The following NCAM2 variants were observed in gnomAD, a reference collection of about 807,000 sequenced individuals.
NCAM2 encodes N-CAM-2.
A neutral mutation model predicts 98.1 loss-of-function variants in NCAM2; 30 were observed. The ratio of observed to expected loss-of-function variants is 0.31; its 90% CI spans 0.23 to 0.41. The LOEUF (loss-of-function observed/expected upper bound fraction) is 0.41, where lower values mean the gene tolerates loss of function less well. Among genes scored for constraint, NCAM2 ranks in the 10% least tolerant of loss-of-function variants. NCAM2 has a pLI of 1.00. For missense variants in NCAM2, 867 were observed against 1,005.8 expected, an observed-to-expected ratio of 0.86 and a Z score of 1.87; for synonymous variants, 368 against 342.4, an observed-to-expected ratio of 1.07 and a Z score of -0.83.
chr21:21,221,967 C>T (rs1295322882), intron 1 of NCAM2, among the ~76,000 whole-genome samples: 2 of 152,228 alleles, frequency 1.3e-5, no homozygotes, highest in Non-Finnish European at 2.9e-5. Context: ...GCTAATGCAG[C>T]TGATGACTAA....
chr21:21,046,302 A>G (rs1045922184), intron 1 of NCAM2, among the ~76,000 whole-genome samples: 1 of 152,126 alleles, frequency 6.6e-6, no homozygotes, highest in Non-Finnish European at 1.5e-5. Flanking sequence ...ATGGCAGGGG[A>G]TTAGCATTTG....
chr21:21,230,742 G>A (rs1464922417), intron 1 of NCAM2, among the ~76,000 whole-genome samples: 2 of 151,228 alleles, frequency 1.3e-5, no homozygotes, highest in African/African-American at 4.8e-5. Context: ...ACCAGAAAAT[G>A]GGAAAACCAC....
At chr21:21,468,537 G>C in intron 13 of NCAM2, 125 bp from the exon 14 acceptor site, 4 of 884,774 alleles carry the variant, frequency 4.5e-6, no homozygotes, top group Non-Finnish European at 4.7e-6. Context: ...AAAGGGCAAT[G>C]TCAAATGGTA....
intron 12 of NCAM2, among the ~76,000 whole-genome samples, chr21:21,448,825 T>C (rs1256924673): frequency 6.6e-6 from 1 of 152,098 alleles, no homozygotes; most frequent in African/African-American, 2.4e-5. Context: ...ATATTTTCAG[T>C]GAAAGAAAAT....
chr21:21,360,598 G>A (rs750586180), intron 8 of NCAM2, among the ~76,000 whole-genome samples: 3 of 151,740 alleles, frequency 2.0e-5, no homozygotes, highest in South Asian at 4.1e-4. Context: ...GGTTCATAGC[G>A]CTTACCTTGT....
chr21:21,231,044 G>A (rs977663898), intron 1 of NCAM2, among the ~76,000 whole-genome samples: 1 of 151,222 alleles, frequency 6.6e-6, no homozygotes, highest in Non-Finnish European at 1.5e-5. Flanking sequence ...TTAAAAATTT[G>A]CAAAATTAAC....
chr21:21,418,284 C>T (rs187392371), intron 10 of NCAM2, among the ~76,000 whole-genome samples, 189 bp from the exon 11 acceptor site: 1 of 151,914 alleles, frequency 6.6e-6, no homozygotes, highest in Admixed American at 6.6e-5. Flanking sequence ...ATATTACGGG[C>T]TCATGGATAC....
At chr21:21,020,372 A>G (rs2064407254) in intron 1 of NCAM2, among the ~76,000 whole-genome samples, 1 of 151,392 alleles carries the variant, frequency 6.6e-6, no homozygotes, top group African/African-American at 2.4e-5. Context: ...GCTGTCCTCC[A>G]CTCTCAAGGA....
intron 8 of NCAM2, among the ~76,000 whole-genome samples, chr21:21,371,095 G>A (rs232512): frequency 0.36 from 54,255 of 151,366 alleles, 9,931 homozygotes; most frequent in East Asian, 0.58. Flanking sequence ...TGAAATAAGA[G>A]GAAGATTAGA....
chr21:21,050,315 C>T (rs925031681), intron 1 of NCAM2, among the ~76,000 whole-genome samples: 2 of 152,010 alleles, frequency 1.3e-5, no homozygotes, highest in Non-Finnish European at 2.9e-5. Flanking sequence ...ATGCCAAAAC[C>T]TGATTTTAGT....
At chr21:21,111,243 T>C (rs8131385) in intron 1 of NCAM2, among the ~76,000 whole-genome samples, 7,258 of 152,292 alleles carry the variant, frequency 0.048, 231 homozygotes, top group East Asian at 0.17. Flanking sequence ...TTGATTATTC[T>C]ATTTTATTTT....
intron 1 of NCAM2, among the ~76,000 whole-genome samples, chr21:21,056,552 A>T (rs1331968749): frequency 6.7e-6 from 1 of 149,634 alleles, no homozygotes; most frequent in East Asian, 2.0e-4. Flanking sequence ...GAGAGGAGAG[A>T]GAGAGAGAGT....
At chr21:21,494,258 TATA>T (rs1481770343) in intron 15 of NCAM2, among the ~76,000 whole-genome samples, 1 of 151,868 alleles carries the variant, frequency 6.6e-6, no homozygotes, top group Non-Finnish European at 1.5e-5. Context: ...TGAACTGAAG[TATA>T]ATCATATAGA....
intron 10 of NCAM2, among the ~76,000 whole-genome samples, chr21:21,418,105 AC>A (rs2077030286): frequency 7.3e-6 from 1 of 137,426 alleles, no homozygotes; most frequent in Admixed American, 7.0e-5. Flanking sequence ...ATATATATAT[AC>A]ATGTATACAT....
chr21:21,005,821 C>A, intron 1 of NCAM2, among the ~76,000 whole-genome samples: 1 of 150,326 alleles, frequency 6.7e-6, no homozygotes, highest in Non-Finnish European at 1.5e-5. Flanking sequence ...AAAAAAAAAA[C>A]CCTAAAAACT....
chr21:21,223,044 C>T (rs775820074), intron 1 of NCAM2, among the ~76,000 whole-genome samples: 33 of 152,128 alleles, frequency 2.2e-4, no homozygotes, highest in Non-Finnish European at 4.6e-4. Context: ...TTCTTACATA[C>T]TCTGTTGATA....
intron 1 of NCAM2, among the ~76,000 whole-genome samples, chr21:21,156,365 CAAT>C (rs1356531795): frequency 6.6e-6 from 1 of 151,930 alleles, no homozygotes; most frequent in Non-Finnish European, 1.5e-5. Flanking sequence ...AGAAGAACAA[CAAT>C]GTTTTGCCAT....
At chr21:21,515,064 G>A (rs1424535502) in intron 16 of NCAM2, among the ~76,000 whole-genome samples, 1 of 152,026 alleles carries the variant, frequency 6.6e-6, no homozygotes, top group African/African-American at 2.4e-5. Flanking sequence ...ATTTGTATTG[G>A]GAGTGCATTA....
intron 16 of NCAM2, among the ~76,000 whole-genome samples, chr21:21,524,147 A>G (rs570023986): frequency 6.6e-6 from 1 of 152,248 alleles, no homozygotes; most frequent in South Asian, 2.1e-4. Context: ...CAGGAATGGA[A>G]ATATTGATGC....
Sources: gnomAD v4.1 joint callset for allele counts (sites outside exome capture counted in the v4.1 genomes callset) on GRCh38, gnomAD v4.1.1 for gene constraint, MANE v1.5 for transcripts, NCBI Gene and HGNC (gene_info 2026-07-23, HGNC 2026-07-21) for gene names.